Variants in FAM110B observed in about 807,000 individuals in gnomAD.
FAM110B encodes the protein protein FAM110B.
Under a neutral mutation model 20.4 loss-of-function variants are expected in FAM110B, and 6 were observed. That is an observed-to-expected ratio of 0.29 (90% CI 0.16 to 0.58). The LOEUF (loss-of-function observed/expected upper bound fraction) is 0.58, where lower values mean the gene tolerates loss of function less well. Ranked by LOEUF, FAM110B falls within the 20% of genes least tolerant of loss-of-function variation. The pLI, the probability that FAM110B is intolerant of heterozygous loss-of-function variation, is 0.90. For missense variants in FAM110B, 434 were observed against 498.2 expected (o/e 0.87, Z 1.23); for synonymous variants, 226 against 214.1 (o/e 1.06, Z -0.49).
intron 3 of FAM110B, among the ~76,000 whole-genome samples, chr8:58,136,632 A>T (rs530362316): frequency 6.6e-6 from 1 of 152,276 alleles, no homozygotes; most frequent in African/African-American, 2.4e-5. Flanking sequence ...TATGCGCAGC[A>T]CTGATTTCTG....
chr8:58,028,703 G>T (rs1426313376), intron 1 of FAM110B, among the ~76,000 whole-genome samples: 2 of 152,122 alleles, frequency 1.3e-5, no homozygotes, highest in Admixed American at 6.5e-5. Context: ...ATTTCTTATT[G>T]GATGTTTTGT....
intron 3 of FAM110B, among the ~76,000 whole-genome samples, chr8:58,112,165 A>G (rs1319880768): frequency 6.6e-6 from 1 of 151,836 alleles, no homozygotes; most frequent in Non-Finnish European, 1.5e-5. Flanking sequence ...GTCTGTACTA[A>G]AAAAAATACA....
chr8:58,054,297 C>T (rs1315726939), intron 2 of FAM110B, among the ~76,000 whole-genome samples: 1 of 152,188 alleles, frequency 6.6e-6, no homozygotes, highest in South Asian at 2.1e-4. Context: ...GATACCACAT[C>T]TCCTGAGGAG....
chr8:58,028,224 C>T (rs1002622774), intron 1 of FAM110B, among the ~76,000 whole-genome samples: 12 of 152,218 alleles, frequency 7.9e-5, no homozygotes, highest in African/African-American at 2.9e-4. Context: ...CTGCGTCAGC[C>T]TCCCAAGTAG....
At chr8:58,134,195 T>C (rs1253923720) in intron 3 of FAM110B, among the ~76,000 whole-genome samples, 2 of 152,226 alleles carry the variant, frequency 1.3e-5, no homozygotes, top group African/African-American at 2.4e-5. Flanking sequence ...TACAAAGAAC[T>C]CTTCAAGAGA....
intron 3 of FAM110B, among the ~76,000 whole-genome samples, chr8:58,089,570 A>G (rs1806423200): frequency 6.6e-6 from 1 of 152,218 alleles, no homozygotes; most frequent in Admixed American, 6.5e-5. Context: ...AAATGGATTA[A>G]GATCAAAATT....
At chr8:58,000,309 A>G (rs1804267835) in intron 1 of FAM110B, among the ~76,000 whole-genome samples, 1 of 152,162 alleles carries the variant, frequency 6.6e-6, no homozygotes, top group South Asian at 2.1e-4. Context: ...TGGATGATGG[A>G]TGGTAGATTA....
chr8:58,113,050 T>TTCTCTTCA (rs1807102698), intron 3 of FAM110B: 1 of 151,854 alleles, frequency 6.6e-6, no homozygotes, highest in African/African-American at 2.4e-5. Context: ...AAGAACTCTT[T>TTCTCTTCA]TCTCTTCAGC....
chr8:58,145,262 A>T (rs1176749667), intron 3 of FAM110B, among the ~76,000 whole-genome samples: 1 of 151,932 alleles, frequency 6.6e-6, no homozygotes. Flanking sequence ...TTTTCAGGAG[A>T]AAGTTTTTAA....
intron 3 of FAM110B, among the ~76,000 whole-genome samples, chr8:58,111,519 T>TA (rs1260536741): frequency 6.6e-6 from 1 of 152,154 alleles, no homozygotes; most frequent in Non-Finnish European, 1.5e-5. Context: ...ACTGGAAGTC[T>TA]AAAACATTAG....
intron 3 of FAM110B, among the ~76,000 whole-genome samples, chr8:58,137,389 G>A (rs548170140): frequency 1.3e-4 from 20 of 152,216 alleles, no homozygotes; most frequent in African/African-American, 4.1e-4. Context: ...GTAAAACCCC[G>A]TCTCTACTAA....
At chr8:58,027,891 G>T (rs1482918208) in intron 1 of FAM110B, among the ~76,000 whole-genome samples, 1 of 152,172 alleles carries the variant, frequency 6.6e-6, no homozygotes, top group East Asian at 1.9e-4. Flanking sequence ...TTATGAATAA[G>T]GCTGCTGTGA....
At chr8:58,085,867 C>G (rs895175523) in intron 3 of FAM110B, among the ~76,000 whole-genome samples, 1 of 152,044 alleles carries the variant, frequency 6.6e-6, no homozygotes, top group African/African-American at 2.4e-5. Context: ...GGCCAGTGCT[C>G]AATTAAAAAA....
intron 1 of FAM110B, among the ~76,000 whole-genome samples, chr8:58,018,459 A>AT (rs1387221775): frequency 2.6e-5 from 4 of 152,022 alleles, no homozygotes; most frequent in Non-Finnish European, 4.4e-5. Flanking sequence ...ATATGTATAT[A>AT]TTTTTTCCAT....
At chr8:58,120,520 G>A (rs1807333364) in intron 3 of FAM110B, among the ~76,000 whole-genome samples, 1 of 152,192 alleles carries the variant, frequency 6.6e-6, no homozygotes, top group Admixed American at 6.5e-5. Flanking sequence ...GGGCATTTCA[G>A]GAAGTACCTC....
intron 2 of FAM110B, among the ~76,000 whole-genome samples, chr8:58,066,832 C>T (rs578165217): frequency 6.6e-6 from 1 of 152,122 alleles, no homozygotes; most frequent in South Asian, 2.1e-4. Flanking sequence ...CTCCAAGCTG[C>T]CCTCTACTCA....
chr8:58,057,550 C>G lies in FAM110B; in HGVS notation c.-413-17985C>G, dbSNP rs145584899. Among the ~76,000 whole-genome samples, 11 of 152,272 alleles carry G rather than the reference C, an allele frequency of 7.2e-5. No homozygotes were observed. In the East Asian group the frequency reaches 2.1e-3, roughly 29 times the overall value. ...ATCTCTCAAACAGACTGTTTTAAAT[C>G]AAGAATTCCCCTTTTCTCAGCCTCC... On this transcript the variant is annotated intron_variant, in intron 2 of 3. Coordinates refer to ENST00000519262, the MANE Select transcript of FAM110B (RefSeq NM_001377989.1).
intron 1 of FAM110B, among the ~76,000 whole-genome samples, chr8:58,007,182 C>G (rs1043951619): frequency 6.6e-6 from 1 of 152,026 alleles, no homozygotes; most frequent in African/African-American, 2.4e-5. Context: ...CGTCACTTCT[C>G]TGGTCTGAAC....
In FAM110B at chr8:58,146,212, C is replaced by A; in HGVS notation, c.-19C>A. ...CCAGAAGAGCATCCAACACGGCTGC[C>A]GGGGAAAGACCGCCCACCATGCCCA... On this transcript the variant is annotated 5_prime_UTR_variant, in exon 4 of 4. Transcript: ENST00000519262. The A allele has an allele frequency of 1.3e-6, 2 of 1,574,252 alleles. No homozygotes were observed. Among genetic ancestry groups the A allele is most frequent in the Non-Finnish European group, 1.7e-6 (2 of 1,157,650 alleles).
Sources: allele counts gnomAD v4.1 joint callset (sites outside exome capture counted in the v4.1 genomes callset), GRCh38; gene constraint gnomAD v4.1.1; transcripts MANE v1.5; gene names NCBI Gene and HGNC (gene_info 2026-07-23, HGNC 2026-07-21).